Variants in ADAMTS5 observed in about 807,000 individuals in gnomAD.
ADAMTS5 encodes the protein ADAM metallopeptidase with thrombospondin type 1 motif 5.
In ADAMTS5, 54 loss-of-function variants were observed where a neutral mutation model predicts 81.4. That is an observed-to-expected ratio of 0.66 (90% CI 0.53 to 0.83). The LOEUF is 0.83. Ranked by LOEUF, ADAMTS5 falls within the 40% of genes least tolerant of loss-of-function variation. The pLI is 0.00. For missense variants in ADAMTS5, 1,194 were observed against 1,229.9 expected, an observed-to-expected ratio of 0.97 and a Z score of 0.44; for synonymous variants, 532 against 508.8, an observed-to-expected ratio of 1.05 and a Z score of -0.61.
In ADAMTS5 at chr21:26,965,274, C is replaced by A; in HGVS notation, c.1104+14G>T. 6.3e-7 allele frequency: 1 copy of A among 1,596,872 alleles called. No homozygotes were observed. Among genetic ancestry groups the A allele is most frequent in the Non-Finnish European group, 8.6e-7 (1 of 1,168,338 alleles). On this transcript the variant is annotated intron_variant, in intron 1 of 7. Transcript: ENST00000284987. Reference sequence around the variant, plus strand: ...ATATCAGCGCTGGGACCCCCGCATCCCGGCTGGACCTACCTCCCGAGTAAA... The same window carrying A: ...ATATCAGCGCTGGGACCCCCGCATCACGGCTGGACCTACCTCCCGAGTAAA...
chr21:26,948,162 T>C (rs1987251041), intron 2 of ADAMTS5, among the ~76,000 whole-genome samples: 2 of 152,244 alleles, frequency 1.3e-5, no homozygotes, highest in South Asian at 4.1e-4. Context: ...TGTAGCCAGA[T>C]GAAGACACAT....
chr21:26,941,944 T>C (rs1349409870), intron 3 of ADAMTS5, among the ~76,000 whole-genome samples: 1 of 152,090 alleles, frequency 6.6e-6, no homozygotes, highest in Non-Finnish European at 1.5e-5. Flanking sequence ...TACCATTGTA[T>C]TACTGGTCTA....
intron 2 of ADAMTS5, among the ~76,000 whole-genome samples, chr21:26,954,443 T>A (rs1192955964): frequency 6.6e-6 from 1 of 152,200 alleles, no homozygotes; most frequent in East Asian, 1.9e-4. Flanking sequence ...GTGACAAATT[T>A]CATCCAGGGG....
At chr21:26,944,151 C>T (rs1987169797) in intron 2 of ADAMTS5, among the ~76,000 whole-genome samples, 1 of 152,162 alleles carries the variant, frequency 6.6e-6, no homozygotes, top group Admixed American at 6.5e-5. Context: ...ACTAAGCTTG[C>T]TTCATCCGTT....
At chr21:26,926,216 G>A (rs1986803150) in intron 7 of ADAMTS5, among the ~76,000 whole-genome samples, 1 of 152,312 alleles carries the variant, frequency 6.6e-6, no homozygotes, top group East Asian at 1.9e-4. Context: ...TGCAGTGAGT[G>A]CACCACTGCA....
At chr21:26,932,817 G>A (rs1170076303) in intron 5 of ADAMTS5, 44 bp downstream of exon 5, 1 of 1,555,444 alleles carries the variant, frequency 6.4e-7, no homozygotes. Context: ...GAATACAAAT[G>A]ACATGTAGCA....
intron 2 of ADAMTS5, among the ~76,000 whole-genome samples, chr21:26,951,029 T>G (rs1426184149): frequency 6.6e-6 from 1 of 152,188 alleles, no homozygotes; most frequent in East Asian, 1.9e-4. Flanking sequence ...CTATTTTTTC[T>G]TTTTAATTTT....
Position 26,932,989 on chromosome 21 carries a change from G to A in ADAMTS5, c.1745C>T (p.Ser582Leu). ...SWGSWGQCSR[S>L]CGGGVQFAYR... ...GGCAAACTGCACTCCTCCTCCACAT[G>A]AGCGAGAACACTGGCCCCAGGATCC... is the stretch of plus-strand genomic sequence containing the variant. The change falls in exon 5 of 8, where the codon TCA (serine) becomes TTA (leucine). Residue 582 changes from serine to leucine, a missense_variant. Coordinates refer to ENST00000284987, the MANE Select transcript of ADAMTS5 (RefSeq NM_007038.5). The A allele has an allele frequency of 6.2e-7, 1 of 1,613,916 alleles. No homozygotes were observed. The highest frequency in any genetic ancestry group is 1.3e-5 in the African/African-American group (1 of 75,002).
At position 26,956,809 on chromosome 21, in the gene ADAMTS5, A is replaced by G. The variant is rs527840295; in HGVS notation, c.1105-1938T>C. Among the ~76,000 whole-genome samples the G allele has an allele frequency of 1.1e-4, 16 of 152,344 alleles. No individual in the cohort carries two copies. The South Asian group carries it at 2.3e-3, about 22-fold the overall frequency. On this transcript the variant is annotated intron_variant, in intron 1 of 7. Coordinates refer to ENST00000284987, the MANE Select transcript of ADAMTS5 (RefSeq NM_007038.5). ...AAGGGAAATGACCCTCCTCTTCTCG[A>G]TAGAGATTAAACTAGATTCTTAATA...
At chr21:26,961,032 G>A (rs1987520409) in intron 1 of ADAMTS5, among the ~76,000 whole-genome samples, 1 of 152,184 alleles carries the variant, frequency 6.6e-6, no homozygotes, top group East Asian at 1.9e-4. Context: ...AGATTCTTAA[G>A]AAAGGGGCTA....
chr21:26,918,526 T>TA lies in ADAMTS5; in HGVS notation c.*5526dup, dbSNP rs760892721. 6.6e-6 allele frequency: 1 copy of TA among 152,062 alleles called. No homozygotes were observed. Among genetic ancestry groups the TA allele is most frequent in the Non-Finnish European group, 1.5e-5 (1 of 67,942 alleles). The allele number at this position is 152,062 out of a possible 1,614,324, so 9.4% of individuals were successfully genotyped here. ...ATGATTTCCTCTGACTAATAGGTCA[T>TA]ACAAATACGTAAGTAGTGTTTTTCA... On this transcript the variant is annotated 3_prime_UTR_variant, in exon 8 of 8. Coordinates refer to ENST00000284987, the MANE Select transcript of ADAMTS5 (RefSeq NM_007038.5).
chr21:26,930,139 A>C, intron 6 of ADAMTS5, 78 bp from the exon 7 acceptor site: 358 of 1,432,002 alleles, frequency 2.5e-4, no homozygotes, highest in Non-Finnish European at 3.1e-4. Context: ...GTAAGTTCTC[A>C]TTTGTGATTT....
intron 2 of ADAMTS5, among the ~76,000 whole-genome samples, chr21:26,944,857 C>A (rs543422284): frequency 6.6e-6 from 1 of 152,074 alleles, no homozygotes; most frequent in Non-Finnish European, 1.5e-5. Context: ...GTCCACTGAG[C>A]AACTGACTGC....
chr21:26,963,242 A>G (rs1987563997), intron 1 of ADAMTS5, among the ~76,000 whole-genome samples: 1 of 152,016 alleles, frequency 6.6e-6, no homozygotes, highest in Non-Finnish European at 1.5e-5. Context: ...CTTTGTATCT[A>G]TTTAAAATAT....
At position 26,966,172 on chromosome 21, in the gene ADAMTS5, C is replaced by T. The variant is rs1987662574; in HGVS notation, c.220G>A (p.Val74Met). The change falls in exon 1 of 8, where the codon GTG becomes ATG. Residue 74 changes from valine (V) to methionine (M), a missense_variant. By Grantham distance (21) the Val-to-Met change is conservative. Transcript: ENST00000284987. ...LAQRRRSKGLVQNIDQLYSGG... is the reference protein window; with the variant it reads ...LAQRRRSKGLMQNIDQLYSGG... ...GAGTAGAGTTGGTCGATGTTCTGCA[C>T]CAGCCCCTTGCTCCTGCGCCGCTGC... The T allele has an allele frequency of 1.2e-6, 2 of 1,607,432 alleles. No homozygotes were observed. Among genetic ancestry groups the T allele is most frequent in the Non-Finnish European group, 8.5e-7 (1 of 1,177,068 alleles).
At chr21:26,943,606 A>G (rs536092904) in intron 2 of ADAMTS5, 59 bp from the exon 3 acceptor site, 7 of 1,501,304 alleles carry the variant, frequency 4.7e-6, no homozygotes, top group African/African-American at 4.2e-5. Flanking sequence ...CTATCTTTCC[A>G]TGACAATTAT....
At chr21:26,928,052 G>T (rs1427303548) in intron 7 of ADAMTS5, among the ~76,000 whole-genome samples, 1 of 151,864 alleles carries the variant, frequency 6.6e-6, no homozygotes, top group Non-Finnish European at 1.5e-5. Flanking sequence ...ATTGTGAATG[G>T]GCTTAAAATT....
rs559757962 is a variant in ADAMTS5, at chr21:26,932,172, T to C, written c.1881A>G (p.Ser627=). ...TGGCCTCACACTGTTCATGACGAAA[T>C]GATTTACCTAGAAAACAAACATGTT... ...SLMPCPPNGK[S]FRHEQCEAKN... Residue 627 remains serine, a synonymous_variant, in exon 6 of 8, where the codon TCA becomes TCG. Transcript: ENST00000284987. 7.4e-6 allele frequency: 12 copies of C among 1,612,662 alleles called. No individual in the cohort carries two copies. The African/African-American group carries it at 1.6e-4, about 21-fold the overall frequency.
intron 2 of ADAMTS5, among the ~76,000 whole-genome samples, chr21:26,945,943 A>T (rs1270138768): frequency 6.6e-6 from 1 of 152,174 alleles, no homozygotes; most frequent in African/African-American, 2.4e-5. Context: ...CTTAGAGTCA[A>T]CTGAAAGAGA....
Sources: allele counts gnomAD v4.1 joint callset (sites outside exome capture counted in the v4.1 genomes callset), GRCh38; gene constraint gnomAD v4.1.1; transcripts MANE v1.5; gene names NCBI Gene and HGNC (gene_info 2026-07-23, HGNC 2026-07-21).